Variants in NRG1 observed in about 807,000 individuals in gnomAD.
NRG1 encodes neuregulin 1.
Under a neutral mutation model 63.8 loss-of-function variants are expected in NRG1, and 18 were observed. The observed-to-expected ratio is 0.28, with a 90% CI of 0.19 to 0.42. The LOEUF (loss-of-function observed/expected upper bound fraction) is 0.42, where lower values mean the gene tolerates loss of function less well. Ranked by LOEUF, NRG1 falls within the 10% of genes least tolerant of loss-of-function variation. NRG1 has a pLI of 1.00. For missense variants in NRG1, 762 were observed against 814.7 expected, an observed-to-expected ratio of 0.94 and a Z score of 0.79; for synonymous variants, 302 against 301.3, an observed-to-expected ratio of 1.00 and a Z score of -0.02.
Position 31,746,535 on chromosome 8 carries a change from A to G in NRG1, c.37+107104A>G, listed in dbSNP as rs561286881. Among the ~76,000 whole-genome samples, 6 of 152,086 alleles carry G rather than the reference A, an allele frequency of 3.9e-5. No homozygotes were observed. The South Asian group carries it at 1.2e-3, about 32-fold the overall frequency. On this transcript the variant is annotated intron_variant, in intron 1 of 10. Coordinates refer to the NRG1 transcript ENST00000519301. The stretch of plus-strand genomic sequence containing the variant: ...TATTGGAAGCAATAGCATATTACAA[A>G]TACTTTATCTTGCTCTACAGGTAGG...
At chr8:31,683,211 A>G (rs770089321) in intron 1 of NRG1, among the ~76,000 whole-genome samples, 10 of 152,154 alleles carry the variant, frequency 6.6e-5, no homozygotes, top group Non-Finnish European at 7.4e-5. Flanking sequence ...TCTCCAAATG[A>G]GTTGAAATGT....
At chr8:31,927,659 G>A (rs1206905055) in intron 1 of NRG1, among the ~76,000 whole-genome samples, 7 of 148,068 alleles carry the variant, frequency 4.7e-5, no homozygotes, top group Admixed American at 2.0e-4. Flanking sequence ...CGTTTTAGCC[G>A]GGATGGTCTC....
At chr8:32,752,249 A>C (rs1355336941) in intron 7 of NRG1, among the ~76,000 whole-genome samples, 3 of 152,128 alleles carry the variant, frequency 2.0e-5, no homozygotes, top group Non-Finnish European at 4.4e-5. Flanking sequence ...CTAAAACCTG[A>C]TCAGGATACC....
intron 2 of NRG1, 89 bp from the exon 3 acceptor site, chr8:32,605,473 G>A: frequency 6.7e-7 from 1 of 1,490,086 alleles, no homozygotes; most frequent in Non-Finnish European, 9.2e-7. Context: ...GAGGCAGTTT[G>A]AGAACTCTGA....
intron 5 of NRG1, among the ~76,000 whole-genome samples, chr8:32,654,380 G>A (rs1361193277): frequency 1.3e-5 from 2 of 152,182 alleles, no homozygotes; most frequent in East Asian, 1.9e-4. Context: ...TGTAATCCCA[G>A]CATTTTGGGA....
chr8:31,925,334 T>G (rs1834274256), intron 1 of NRG1, among the ~76,000 whole-genome samples: 1 of 151,638 alleles, frequency 6.6e-6, no homozygotes, highest in Non-Finnish European at 1.5e-5. Flanking sequence ...TTATCAGTAT[T>G]TTTTTCATAT....
chr8:31,877,717 A>G (rs553632924), intron 1 of NRG1, among the ~76,000 whole-genome samples: 48 of 152,276 alleles, frequency 3.2e-4, no homozygotes, highest in Admixed American at 2.6e-3. Flanking sequence ...TGACAGCGGC[A>G]GTGTTCCATC....
intron 1 of NRG1, among the ~76,000 whole-genome samples, chr8:31,897,016 T>A (rs908909728): frequency 6.6e-6 from 1 of 152,228 alleles, no homozygotes; most frequent in African/African-American, 2.4e-5. Context: ...TCATTTAAAG[T>A]TGCTTGTACA....
chr8:32,273,902 C>G (rs1316514409), intron 1 of NRG1, among the ~76,000 whole-genome samples: 1 of 152,098 alleles, frequency 6.6e-6, no homozygotes, highest in East Asian at 1.9e-4. Flanking sequence ...AAAGTCATCT[C>G]CTGTCCATAG....
intron 1 of NRG1, among the ~76,000 whole-genome samples, chr8:32,255,604 T>TGG (rs1849608942): frequency 2.0e-5 from 3 of 152,214 alleles, no homozygotes; most frequent in African/African-American, 7.2e-5. Context: ...CTTCTCTTTG[T>TGG]GGGCAACTTG....
intron 1 of NRG1, among the ~76,000 whole-genome samples, chr8:31,671,285 T>C (rs1412992750): frequency 3.3e-5 from 5 of 152,178 alleles, no homozygotes; most frequent in African/African-American, 1.2e-4. Context: ...ACTATTCTAT[T>C]CTGCAGTGAG....
intron 2 of NRG1, among the ~76,000 whole-genome samples, chr8:32,597,922 A>T (rs1224698430): frequency 1.3e-5 from 2 of 152,196 alleles, no homozygotes; most frequent in Admixed American, 1.3e-4. Context: ...GTTTAACAGG[A>T]CAAAAAAATA....
At chr8:32,008,205 A>T (rs894214075) in intron 1 of NRG1, among the ~76,000 whole-genome samples, 3 of 151,918 alleles carry the variant, frequency 2.0e-5, no homozygotes, top group Non-Finnish European at 4.4e-5. Flanking sequence ...TTGTTCTTTC[A>T]TATATTTATT....
intron 1 of NRG1, among the ~76,000 whole-genome samples, chr8:32,031,411 G>C (rs1447915181): frequency 6.6e-6 from 1 of 152,188 alleles, no homozygotes; most frequent in African/African-American, 2.4e-5. Flanking sequence ...TTAGGCCCCT[G>C]CAGCTCGCTG....
intron 1 of NRG1, among the ~76,000 whole-genome samples, chr8:32,526,927 C>T (rs1830908706): frequency 2.0e-5 from 3 of 152,120 alleles, no homozygotes; most frequent in African/African-American, 7.2e-5. Flanking sequence ...CTTCACTCTT[C>T]TGTAATTGTA....
At chr8:32,417,737 G>A (rs1816122465) in intron 1 of NRG1, among the ~76,000 whole-genome samples, 1 of 151,278 alleles carries the variant, frequency 6.6e-6, no homozygotes, top group South Asian at 2.1e-4. Context: ...TGGAGGGGGA[G>A]GGGGGGTGTG....
chr8:32,529,414 C>A (rs1184642881), intron 1 of NRG1, among the ~76,000 whole-genome samples: 1 of 152,146 alleles, frequency 6.6e-6, no homozygotes, highest in Admixed American at 6.5e-5. Flanking sequence ...ACATAGGCTG[C>A]ACTAAATATG....
At chr8:32,287,835 G>A (rs1853720563) in intron 1 of NRG1, among the ~76,000 whole-genome samples, 1 of 152,142 alleles carries the variant, frequency 6.6e-6, no homozygotes, top group Non-Finnish European at 1.5e-5. Flanking sequence ...GTTTTAAGCA[G>A]TTCCTTGTTT....
At chr8:32,461,441 G>A (rs771320977) in intron 1 of NRG1, among the ~76,000 whole-genome samples, 7 of 152,220 alleles carry the variant, frequency 4.6e-5, no homozygotes, top group Admixed American at 3.9e-4. Flanking sequence ...GCTCATGCCT[G>A]TAATCCCAGC....
Sources: gnomAD v4.1 joint callset for allele counts (sites outside exome capture counted in the v4.1 genomes callset) on GRCh38, gnomAD v4.1.1 for gene constraint, MANE v1.5 for transcripts, NCBI Gene and HGNC (gene_info 2026-07-23, HGNC 2026-07-21) for gene names.